The following ZNF346 variants were observed in gnomAD, a reference collection of about 807,000 sequenced individuals.
The protein encoded by ZNF346 is zinc finger protein 346.
Under a neutral mutation model 33.7 loss-of-function variants are expected in ZNF346, and 23 were observed. The observed-to-expected ratio is 0.68, with a 90% CI of 0.49 to 0.97. The LOEUF (loss-of-function observed/expected upper bound fraction) is 0.97, where lower values mean the gene tolerates loss of function less well. ZNF346 is among the 50% of genes least tolerant of loss of function. ZNF346 has a pLI of 0.00. For missense variants in ZNF346, 340 were observed against 371.1 expected, an observed-to-expected ratio of 0.92 and a Z score of 0.69; for synonymous variants, 134 against 142.4, an observed-to-expected ratio of 0.94 and a Z score of 0.42.
rs1779383337 is a variant in ZNF346 at position 177,041,854 on chromosome 5, A to G, written c.356A>G (p.Lys119Arg). 2.5e-6 allele frequency: 4 copies of G among 1,611,922 alleles called. No homozygotes were observed. The highest frequency in any genetic ancestry group is 3.4e-6 in the Non-Finnish European group (4 of 1,178,178). ...GAGACATTAAAGGGGGAAACGAAGAAGCTAGACTCAGATCAGGTAATACAG... is the reference window on the plus strand; with the variant it reads ...GAGACATTAAAGGGGGAAACGAAGAGGCTAGACTCAGATCAGGTAATACAG... ...GMETLKGETK[K>R]LDSDQKSSRS... Residue 119 changes from lysine (K) to arginine (R), a missense_variant, in exon 3 of 7, where the codon AAG becomes AGG. By Grantham distance (26) the Lys-to-Arg change is conservative. Coordinates refer to ENST00000358149, the MANE Select transcript of ZNF346 (RefSeq NM_012279.4).
At chr5:177,038,876 T>TTGTC (rs1554145940) in intron 1 of ZNF346, among the ~76,000 whole-genome samples, 2 of 135,358 alleles carry the variant, frequency 1.5e-5, no homozygotes, top group African/African-American at 5.6e-5. Context: ...CTTCTTCTTC[T>TTGTC]TGTGTGTGTG....
intron 5 of ZNF346, among the ~76,000 whole-genome samples, chr5:177,054,136 A>G (rs1007901945): frequency 2.0e-5 from 3 of 150,634 alleles, no homozygotes; most frequent in Non-Finnish European, 4.4e-5. Flanking sequence ...TGCAGTGCAC[A>G]ATTATGGCTC....
At chr5:177,035,462 A>T (rs1276428972) in intron 1 of ZNF346, among the ~76,000 whole-genome samples, 1 of 142,974 alleles carries the variant, frequency 7.0e-6, no homozygotes, top group African/African-American at 2.6e-5. Flanking sequence ...AATTTTGACA[A>T]TTTTTTTTTT....
chr5:177,050,172 A>G (rs556777394), intron 4 of ZNF346, among the ~76,000 whole-genome samples: 20 of 152,324 alleles, frequency 1.3e-4, no homozygotes, highest in Admixed American at 1.0e-3. Flanking sequence ...CTCAGCCTAT[A>G]ATATGCAATG....
In ZNF346 at chr5:177,022,719, G is replaced by A. The variant is rs988587857; in HGVS notation, c.-20G>A. 5 of 1,539,426 alleles carry A rather than the reference G, an allele frequency of 3.2e-6. No homozygotes were observed. Among genetic ancestry groups the A allele is most frequent in the Admixed American group, 2.0e-5 (1 of 49,812 alleles). ...CTAGGCGCCTGAGAGGCTCTCTACCGGTGAGGGTTTGCGGGGAAGATGGAG... is the reference window on the plus strand; with the variant it reads ...CTAGGCGCCTGAGAGGCTCTCTACCAGTGAGGGTTTGCGGGGAAGATGGAG... On this transcript the variant is annotated 5_prime_UTR_variant, in exon 1 of 7. Coordinates refer to ENST00000358149, the MANE Select transcript of ZNF346 (RefSeq NM_012279.4).
rs1202318401 is a variant in ZNF346, at chr5:177,050,933, C to A, written c.700C>A (p.Pro234Thr). The A allele has an allele frequency of 1.2e-6, 2 of 1,613,450 alleles. No individual in the cohort carries two copies. Among genetic ancestry groups the A allele is most frequent in the Admixed American group, 1.7e-5 (1 of 59,976 alleles). The change falls in exon 5 of 7, where the codon CCA becomes ACA. Residue 234 changes from proline (P) to threonine (T), a missense_variant. By Grantham distance (38) the Pro-to-Thr change is conservative (BLOSUM62 -1). Transcript: ENST00000358149. ...RLADPAVTDFPAGKGYPCKTC... is the reference protein window; with the variant it reads ...RLADPAVTDFTAGKGYPCKTC... ...GGCGGACCCTGCTGTCACTGACTTT[C>A]CAGGTGAGGGGGCCTAGCTCACACC...
intron 8 of ZNF346, among the ~76,000 whole-genome samples, chr5:177,079,089 G>A (rs1334293624): frequency 6.6e-6 from 1 of 152,026 alleles, no homozygotes; most frequent in African/African-American, 2.4e-5. Flanking sequence ...TGGCCAACAT[G>A]GTGAAGCTCC....
chr5:177,057,830 T>TTATA (rs1781939072), intron 5 of ZNF346, among the ~76,000 whole-genome samples: 2 of 150,494 alleles, frequency 1.3e-5, no homozygotes, highest in Non-Finnish European at 3.0e-5. Context: ...ATTTATTTAT[T>TTATA]TATTTATTGA....
rs1182298136 is a variant in ZNF346 at position 177,064,873 on chromosome 5, T to C, written c.*274T>C. 5 of 439,770 alleles carry C rather than the reference T, an allele frequency of 1.1e-5. No homozygotes were observed. Among genetic ancestry groups the C allele is most frequent in the Non-Finnish European group, 1.7e-5 (4 of 242,088 alleles). 27.2% of individuals were successfully genotyped at this position (439,770 alleles called of 1,614,324 possible). ...TAGTTTGGAGGGTGGCTTTCCCCAT[T>C]TCCCAACCCCTCTGGGCCTTAGGTG... is the stretch of plus-strand genomic sequence containing the variant. On this transcript the variant is annotated 3_prime_UTR_variant, in exon 7 of 7. Transcript: ENST00000358149.
chr5:177,029,924 T>C (rs1324052258), intron 1 of ZNF346, among the ~76,000 whole-genome samples: 2 of 152,188 alleles, frequency 1.3e-5, no homozygotes, highest in Admixed American at 1.3e-4. Flanking sequence ...CCTCAACCTG[T>C]AGGATCTGAA....
chr5:177,056,282 A>G (rs995745072), intron 5 of ZNF346, among the ~76,000 whole-genome samples: 1 of 152,134 alleles, frequency 6.6e-6, no homozygotes, highest in Non-Finnish European at 1.5e-5. Flanking sequence ...CAGGTGCTGG[A>G]GAGGTTGTAC....
Position 177,066,146 on chromosome 5 carries a change from A to G in ZNF346, c.*1547A>G, listed in dbSNP as rs1483496044. On this transcript the variant is annotated 3_prime_UTR_variant, in exon 7 of 7. Transcript: ENST00000358149. ...TCTCCCTTGAGTTCAGGTGCCCTGA[A>G]CTCAGTACAGCCTCATCTTCTCATC... Among the ~76,000 whole-genome samples, 1 of 149,186 alleles carries G rather than the reference A, an allele frequency of 6.7e-6. No individual in the cohort carries two copies. Among genetic ancestry groups the G allele is most frequent in the Non-Finnish European group, 1.5e-5 (1 of 67,332 alleles).
chr5:177,029,068 T>C (rs1159166202), intron 1 of ZNF346, among the ~76,000 whole-genome samples: 1 of 152,044 alleles, frequency 6.6e-6, no homozygotes, highest in African/African-American at 2.4e-5. Context: ...AATAGGGTGA[T>C]TTTTGAGAAG....
In ZNF346 at chr5:177,066,139, G is replaced by A. The variant is rs1291149125; in HGVS notation, c.*1540G>A. Among the ~76,000 whole-genome samples the A allele has an allele frequency of 6.7e-6, 1 of 150,120 alleles. No homozygotes were observed. The highest frequency in any genetic ancestry group is 6.7e-5 in the Admixed American group (1 of 14,960). On this transcript the variant is annotated 3_prime_UTR_variant, in exon 7 of 7. Transcript: ENST00000358149. ...GTGAAAGTCTCCCTTGAGTTCAGGT[G>A]CCCTGAACTCAGTACAGCCTCATCT...
At chr5:177,070,998 T>C (rs918558397), downstream of ZNF346, among the ~76,000 whole-genome samples, 2 of 152,160 alleles carry the variant, frequency 1.3e-5, no homozygotes, top group Non-Finnish European at 1.5e-5. Flanking sequence ...CAGAGCTAGA[T>C]GCAAAGCAGC....
At chr5:177,069,504 T>C (rs1783403927), downstream of ZNF346, among the ~76,000 whole-genome samples, 1 of 152,058 alleles carries the variant, frequency 6.6e-6, no homozygotes, top group South Asian at 2.1e-4. Flanking sequence ...GGTCCTTTAT[T>C]TGAATATAGC....
chr5:177,071,684 C>CA (rs1188659810), downstream of ZNF346, among the ~76,000 whole-genome samples: 58 of 138,266 alleles, frequency 4.2e-4, no homozygotes, highest in South Asian at 1.8e-3. Flanking sequence ...GACTCTGTCT[C>CA]AAAAAAAAAA....
intron 4 of ZNF346, among the ~76,000 whole-genome samples, chr5:177,047,160 T>C (rs2149652873): frequency 6.6e-6 from 1 of 151,978 alleles, no homozygotes; most frequent in African/African-American, 2.4e-5. Flanking sequence ...GCGATTCTTC[T>C]GCCTCAGCCT....
rs1414351702 is a variant in ZNF346, at chr5:177,067,523, G to A, written c.*2924G>A. Among the ~76,000 whole-genome samples the A allele has an allele frequency of 6.6e-6, 1 of 152,188 alleles. No homozygotes were observed. Among genetic ancestry groups the A allele is most frequent in the African/African-American group, 2.4e-5 (1 of 41,442 alleles). ...AGATTCAGCCCCATCTACCAAGCAA[G>A]GAAATGAAGGGCAGGGGGTGAGTGG... On this transcript the variant is annotated 3_prime_UTR_variant, in exon 7 of 7. Transcript: ENST00000358149.
Sources: gnomAD v4.1 joint callset for allele counts (sites outside exome capture counted in the v4.1 genomes callset) on GRCh38, gnomAD v4.1.1 for gene constraint, MANE v1.5 for transcripts, NCBI Gene and HGNC (gene_info 2026-07-23, HGNC 2026-07-21) for gene names.